The following CCDC91 variants were observed in gnomAD, a reference collection of about 807,000 sequenced individuals.
CCDC91 encodes coiled-coil domain containing 91, also known as coiled-coil domain-containing protein 91.
CCDC91 carries 48 observed loss-of-function variants against 63.2 expected under a neutral mutation model. The observed-to-expected ratio is 0.76, with a 90% CI of 0.60 to 0.97. CCDC91 has a LOEUF of 0.97. Ranked by LOEUF, CCDC91 falls within the 50% of genes least tolerant of loss-of-function variation. The pLI is 0.00. For synonymous variants in CCDC91, 167 were observed against 165.8 expected (o/e 1.01, Z -0.06); for missense variants, 500 against 494.6 (o/e 1.01, Z -0.10).
chr12:28,499,096 C>A (rs1483369499), intron 12 of CCDC91, among the ~76,000 whole-genome samples: 2 of 151,566 alleles, frequency 1.3e-5, no homozygotes, highest in Non-Finnish European at 3.0e-5. Context: ...ATAGGGGAAG[C>A]TTTTATGGTC....
chr12:28,520,340 C>T (rs1460444678), intron 12 of CCDC91, among the ~76,000 whole-genome samples: 1 of 152,154 alleles, frequency 6.6e-6, no homozygotes, highest in Non-Finnish European at 1.5e-5. Flanking sequence ...AGAATTTTTT[C>T]ATGTGCCTGT....
At chr12:28,305,237 T>C (rs1047182188) in intron 3 of CCDC91, among the ~76,000 whole-genome samples, 7 of 152,096 alleles carry the variant, frequency 4.6e-5, no homozygotes, top group African/African-American at 1.7e-4. Context: ...CAGTCCCTAA[T>C]GCCTGTGACT....
chr12:28,286,178 T>C lies in CCDC91; in HGVS notation c.110-19471T>C, dbSNP rs564557848. Among the ~76,000 whole-genome samples the C allele has an allele frequency of 1.7e-3, 259 of 152,238 alleles. 2 individuals are homozygous for C. The highest frequency in any genetic ancestry group is 6.0e-3 in the African/African-American group (249 of 41,528). On this transcript the variant is annotated intron_variant, in intron 3 of 12. Coordinates refer to ENST00000536442, the MANE Select transcript of CCDC91 (RefSeq NM_018318.5). ...AGAAGTTTTTTTTTTCTTATCTAAG[T>C]TATACCTTCATAGACATTAAAATAA...
At position 28,391,584 on chromosome 12, in the gene CCDC91, G is replaced by A. The variant is rs185634324; in HGVS notation, c.762+173G>A. Among the ~76,000 whole-genome samples the A allele has an allele frequency of 5.4e-3, 822 of 152,232 alleles. 2 individuals are homozygous for A. The highest frequency in any genetic ancestry group is 8.1e-3 in the Non-Finnish European group (549 of 67,988). On this transcript the variant is annotated intron_variant, in intron 8 of 12. Coordinates refer to ENST00000536442, the MANE Select transcript of CCDC91 (RefSeq NM_018318.5). The stretch of plus-strand genomic sequence containing the variant: ...TTTTATGACAGACTCAAAATAGAAC[G>A]TAAGACCTGAAATATGTGGGTCTCC...
rs71438746 is a variant in CCDC91, at chr12:28,362,280, T to TTATATATA, written c.577-150_577-143dup. Among the ~76,000 whole-genome samples, 314 of 131,820 alleles carry TTATATATA rather than the reference T, an allele frequency of 2.4e-3. 28 individuals carry two copies. Among genetic ancestry groups the TTATATATA allele is most frequent in the South Asian group, 2.2e-3 (9 of 4,134 alleles). The allele number at this position is 131,820 out of a possible 152,430, so 86.5% of individuals were successfully genotyped here. A position where few individuals can be genotyped will look rare whatever the true frequency, so the allele number is the denominator to read the frequency against. ...TTCTCCAATGCTTTTAAGCAAAGCT[T>TTATATATA]TATATATATATATATGTTTTCTCTT... is the stretch of plus-strand genomic sequence containing the variant. On this transcript the variant is annotated intron_variant, in intron 6 of 12. Coordinates refer to ENST00000536442, the MANE Select transcript of CCDC91 (RefSeq NM_018318.5).
At chr12:28,307,052 C>G in intron 5 of CCDC91, 107 bp downstream of exon 5, 1 of 756,034 alleles carries the variant, frequency 1.3e-6, no homozygotes, top group East Asian at 2.7e-5. Context: ...TACTTTTCTC[C>G]CTTGGTTGTA....
intron 12 of CCDC91, among the ~76,000 whole-genome samples, chr12:28,500,361 G>A (rs1282416232): frequency 6.6e-6 from 1 of 151,956 alleles, no homozygotes; most frequent in Admixed American, 6.6e-5. Flanking sequence ...GATCCCATTT[G>A]TCAATTTTTG....
At chr12:28,527,520 T>C (rs1941364961) in intron 12 of CCDC91, among the ~76,000 whole-genome samples, 1 of 152,142 alleles carries the variant, frequency 6.6e-6, no homozygotes, top group Non-Finnish European at 1.5e-5. Context: ...GGGAGTGAAA[T>C]GGACTCTGAG....
intron 6 of CCDC91, among the ~76,000 whole-genome samples, chr12:28,321,549 T>C (rs535886708): frequency 2.0e-5 from 3 of 151,882 alleles, no homozygotes; most frequent in African/African-American, 7.2e-5. Context: ...GTAAATTAGG[T>C]TTAGATGAAG....
Position 28,311,803 on chromosome 12 carries a change from G to A in CCDC91, c.576+4054G>A, listed in dbSNP as rs143495507. On this transcript the variant is annotated intron_variant, in intron 6 of 12. Transcript: ENST00000536442. ...TGCTAGATTGTGCCTTTCATGGATG[G>A]CCCTTTTGTTACAGAGGATTGACTT... Among the ~76,000 whole-genome samples, 128 of 151,870 alleles carry A rather than the reference G, an allele frequency of 8.4e-4. 3 individuals are homozygous for A. The highest frequency in any genetic ancestry group is 3.0e-3 in the African/African-American group (123 of 41,442).
chr12:28,245,734 A>G (rs1945691069), intron 1 of CCDC91, among the ~76,000 whole-genome samples: 1 of 152,216 alleles, frequency 6.6e-6, no homozygotes, highest in African/African-American at 2.4e-5. Context: ...TAACTTCATT[A>G]ATGATCAGGG....
At chr12:28,281,797 G>T (rs1456872455) in intron 3 of CCDC91, among the ~76,000 whole-genome samples, 1 of 152,050 alleles carries the variant, frequency 6.6e-6, no homozygotes, top group Non-Finnish European at 1.5e-5. Flanking sequence ...TTCTGTTTTT[G>T]CAGTTTTGTA....
chr12:28,274,367 G>A lies in CCDC91; in HGVS notation c.109+14925G>A, dbSNP rs551803484. Among the ~76,000 whole-genome samples the A allele has an allele frequency of 7.9e-5, 12 of 152,100 alleles. No homozygotes were observed. The South Asian group carries it at 2.3e-3, about 29-fold the overall frequency. ...ATGAACTTTAAAGTAGTTTTTTCCA[G>A]TTCTGTGAAGAAAGTCATTGGTACC... On this transcript the variant is annotated intron_variant, in intron 3 of 12. Coordinates refer to ENST00000536442, the MANE Select transcript of CCDC91 (RefSeq NM_018318.5).
chr12:28,259,485 C>A, intron 3 of CCDC91, 43 bp downstream of exon 3: 1 of 1,218,646 alleles, frequency 8.2e-7, no homozygotes, highest in Non-Finnish European at 1.2e-6. Flanking sequence ...TTTTTTTTCC[C>A]ATGTAACATT....
chr12:28,421,635 C>A (rs1444604239), intron 8 of CCDC91, among the ~76,000 whole-genome samples: 1 of 151,214 alleles, frequency 6.6e-6, no homozygotes, highest in Non-Finnish European at 1.5e-5. Flanking sequence ...GTTGATGAAT[C>A]CAGTTTGTCA....
rs79816596 is a variant in CCDC91 at position 28,393,380 on chromosome 12, T to A, written c.762+1969T>A. ...TTTGTATTTTTTTTTCTTTTTGAAA[T>A]TTTTTTTTTTTTTACTAGCCTGCCT... On this transcript the variant is annotated intron_variant, in intron 8 of 12. Coordinates refer to ENST00000536442, the MANE Select transcript of CCDC91 (RefSeq NM_018318.5). Among the ~76,000 whole-genome samples the A allele has an allele frequency of 4.2e-4, 58 of 138,232 alleles. 1 individual carries two copies. The highest frequency in any genetic ancestry group is 8.8e-4 in the South Asian group (4 of 4,562). 90.7% of individuals were successfully genotyped at this position (138,232 alleles called of 152,430 possible).
intron 3 of CCDC91, among the ~76,000 whole-genome samples, chr12:28,293,734 T>G (rs1472141929): frequency 6.6e-6 from 1 of 152,162 alleles, no homozygotes; most frequent in Admixed American, 6.5e-5. Flanking sequence ...CTGTATTTTT[T>G]TTTTTATTCC....
At chr12:28,515,472 C>T (rs553380972) in intron 12 of CCDC91, among the ~76,000 whole-genome samples, 1 of 151,800 alleles carries the variant, frequency 6.6e-6, no homozygotes, top group Non-Finnish European at 1.5e-5. Flanking sequence ...ATCTTATGCC[C>T]TTTTTGCTAA....
chr12:28,479,807 A>G (rs1951343204), intron 11 of CCDC91, among the ~76,000 whole-genome samples: 1 of 150,228 alleles, frequency 6.7e-6, no homozygotes, highest in Admixed American at 6.6e-5. Context: ...GTTTAGACCA[A>G]TGTTTAAGAG....
Sources: gnomAD v4.1 joint callset for allele counts (sites outside exome capture counted in the v4.1 genomes callset) on GRCh38, gnomAD v4.1.1 for gene constraint, MANE v1.5 for transcripts, NCBI Gene and HGNC (gene_info 2026-07-23, HGNC 2026-07-21) for gene names.